Variants in CLEC16A observed in about 807,000 individuals in gnomAD.
The protein encoded by CLEC16A is C-type lectin domain containing 16A.
CLEC16A carries 51 observed loss-of-function variants against 109.5 expected under a neutral mutation model. That is an observed-to-expected ratio of 0.47 (90% CI 0.37 to 0.59). The LOEUF (loss-of-function observed/expected upper bound fraction) is 0.59. Among genes scored for constraint, CLEC16A ranks in the 20% least tolerant of loss-of-function variants. CLEC16A has a pLI of 0.00. For synonymous variants in CLEC16A, 673 were observed against 564.2 expected (o/e 1.19, Z -2.73); for missense variants, 1,339 against 1,394.0 (o/e 0.96, Z 0.63).
intron 13 of CLEC16A, among the ~76,000 whole-genome samples, chr16:11,038,124 C>G (rs2047126047): frequency 6.6e-6 from 1 of 152,112 alleles, no homozygotes; most frequent in Non-Finnish European, 1.5e-5. Context: ...ATGACTTAGC[C>G]TCTTTCTGGG....
At chr16:11,086,618 C>T (rs756594993) in intron 19 of CLEC16A, among the ~76,000 whole-genome samples, 49 of 152,182 alleles carry the variant, frequency 3.2e-4, no homozygotes, top group Admixed American at 7.8e-4. Flanking sequence ...TCTCTGCTCA[C>T]TGCAACCTCC....
At chr16:11,011,971 GT>G (rs1247992220) in intron 11 of CLEC16A, among the ~76,000 whole-genome samples, 2 of 152,072 alleles carry the variant, frequency 1.3e-5, no homozygotes, top group Non-Finnish European at 2.9e-5. Flanking sequence ...TTCACTTAGA[GT>G]TGTTTATTGC....
intron 22 of CLEC16A, among the ~76,000 whole-genome samples, chr16:11,160,665 T>C (rs1396348512): frequency 6.6e-6 from 1 of 152,212 alleles, no homozygotes; most frequent in Non-Finnish European, 1.5e-5. Context: ...TTTCCCTAAC[T>C]GTATCAGTTA....
At chr16:11,175,593 A>C (rs1389425136) in intron 23 of CLEC16A, among the ~76,000 whole-genome samples, 1 of 152,242 alleles carries the variant, frequency 6.6e-6, no homozygotes, top group Non-Finnish European at 1.5e-5. Flanking sequence ...AAGTTCAGGA[A>C]GCAGTTCTTA....
chr16:11,060,411 C>T (rs549355539), intron 18 of CLEC16A, among the ~76,000 whole-genome samples: 10 of 152,362 alleles, frequency 6.6e-5, no homozygotes, highest in South Asian at 4.1e-4. Flanking sequence ...GCCCCACCCC[C>T]GTATTCAGTA....
intron 22 of CLEC16A, among the ~76,000 whole-genome samples, chr16:11,162,906 G>C (rs1030193128): frequency 6.6e-6 from 1 of 152,216 alleles, no homozygotes. Context: ...TGGTCAGATG[G>C]TGTGAAAGTC....
At chr16:11,036,456 A>G (rs1262841330) in intron 13 of CLEC16A, among the ~76,000 whole-genome samples, 1 of 151,756 alleles carries the variant, frequency 6.6e-6, no homozygotes, top group Admixed American at 6.6e-5. Flanking sequence ...AGGGGCCCCC[A>G]GCAGCTCAGC....
chr16:11,074,935 GGCTGAGGTGGGAGGATT>G (rs2049266321), intron 19 of CLEC16A, among the ~76,000 whole-genome samples: 1 of 152,144 alleles, frequency 6.6e-6, no homozygotes, highest in Admixed American at 6.5e-5. Flanking sequence ...CACTTTGGGA[GGCTGAGGTGGGAGGATT>G]GCTTGAGCCC....
chr16:11,016,588 A>G (rs766215584), intron 11 of CLEC16A, among the ~76,000 whole-genome samples: 1 of 152,084 alleles, frequency 6.6e-6, no homozygotes, highest in Non-Finnish European at 1.5e-5. Flanking sequence ...CTCTTGCCTC[A>G]GCCTCCCAAA....
At chr16:10,998,086 C>A (rs140664399) in intron 10 of CLEC16A, among the ~76,000 whole-genome samples, 1 of 152,176 alleles carries the variant, frequency 6.6e-6, no homozygotes, top group Non-Finnish European at 1.5e-5. Flanking sequence ...CACACAGATT[C>A]CTCCATTCCA....
chr16:10,957,501 G>C (rs11862106), intron 1 of CLEC16A, among the ~76,000 whole-genome samples: 1 of 152,130 alleles, frequency 6.6e-6, no homozygotes, highest in Non-Finnish European at 1.5e-5. Context: ...TCAGTTCTCC[G>C]GGTGGTTCTC....
At chr16:11,024,990 T>G (rs1207148051) in intron 13 of CLEC16A, 69 bp downstream of exon 13, 1 of 1,137,280 alleles carries the variant, frequency 8.8e-7, no homozygotes, top group Non-Finnish European at 1.3e-6. Context: ...TCCCCTCTGC[T>G]GCATGGAGGA....
chr16:10,945,707 C>G (rs749397624), intron 1 of CLEC16A, among the ~76,000 whole-genome samples: 1 of 152,124 alleles, frequency 6.6e-6, no homozygotes, highest in Non-Finnish European at 1.5e-5. Flanking sequence ...AGTAGGTGGC[C>G]AGTAGTGGTA....
chr16:11,066,834 G>A (rs2048787509), intron 19 of CLEC16A: 1 of 152,118 alleles, frequency 6.6e-6, no homozygotes, highest in African/African-American at 2.4e-5. Context: ...TACTTCCCAG[G>A]GTCTGGGGGC....
intron 19 of CLEC16A, among the ~76,000 whole-genome samples, chr16:11,104,173 A>G (rs533367203): frequency 7.2e-5 from 11 of 152,246 alleles, no homozygotes; most frequent in Admixed American, 2.6e-4. Flanking sequence ...CAGTGGTACA[A>G]TCTCAGCTTA....
At chr16:11,053,013 C>T (rs1008785627) in intron 18 of CLEC16A, among the ~76,000 whole-genome samples, 2 of 152,110 alleles carry the variant, frequency 1.3e-5, no homozygotes, top group African/African-American at 4.8e-5. Context: ...CCCACCTCAG[C>T]GTCGGTAGCT....
intron 6 of CLEC16A, 64 bp from the exon 7 acceptor site, chr16:10,972,874 T>C: frequency 6.6e-7 from 1 of 1,505,588 alleles, no homozygotes; most frequent in Non-Finnish European, 8.9e-7. Context: ...TTTGTTTTTT[T>C]TTTAATCTTC....
chr16:11,169,600 T>C (rs894258019), intron 23 of CLEC16A, among the ~76,000 whole-genome samples: 1 of 152,186 alleles, frequency 6.6e-6, no homozygotes, highest in Non-Finnish European at 1.5e-5. Context: ...CTTTGCACAC[T>C]TTGCATGGCC....
chr16:11,006,629 C>A (rs570799277), intron 11 of CLEC16A, among the ~76,000 whole-genome samples: 1 of 152,264 alleles, frequency 6.6e-6, no homozygotes, highest in East Asian at 1.9e-4. Context: ...GGGGAAAATA[C>A]AGGAGTAAAA....
Sources: allele counts gnomAD v4.1 joint callset (sites outside exome capture counted in the v4.1 genomes callset), GRCh38; gene constraint gnomAD v4.1.1; transcripts MANE v1.5; gene names NCBI Gene and HGNC (gene_info 2026-07-23, HGNC 2026-07-21).